Variants in WDR90 observed in about 807,000 individuals in gnomAD.
The protein encoded by WDR90 is WD repeat domain 90.
WDR90 carries 238 observed loss-of-function variants against 195.2 expected under a neutral mutation model. The ratio of observed to expected loss-of-function variants is 1.22; its 90% CI spans 1.10 to 1.36. The LOEUF (loss-of-function observed/expected upper bound fraction) is 1.36. Among genes scored for constraint, WDR90 ranks in the 40% most tolerant of loss-of-function variants. The pLI is 0.00. For missense variants in WDR90, 2,734 were observed against 2,439.5 expected (o/e 1.12, Z -2.54); for synonymous variants, 1,265 against 1,052.4 (o/e 1.20, Z -3.91).
rs199971090 is a variant in WDR90, at chr16:659,927, C to T, written c.3185-131C>T. ...CACGGTTTGCCTGCGTCTGTGGCTC[C>T]GGCCTGTGCCCCGCCGTGCAGTTCT... On this transcript the variant is annotated intron_variant, in intron 26 of 40. Transcript: ENST00000293879. The T allele has an allele frequency of 7.1e-5, 51 of 715,416 alleles. No homozygotes were observed. In the African/African-American group the frequency reaches 7.3e-4, roughly 10 times the overall value. 44.3% of individuals were successfully genotyped at this position (715,416 alleles called of 1,614,324 possible). A position where few individuals can be genotyped will look rare whatever the true frequency, so the allele number is the denominator to read the frequency against.
chr16:650,603 TCTC>T lies in WDR90; in HGVS notation c.456_458del (p.Leu153del), dbSNP rs1226746154. On this transcript the variant is annotated inframe_deletion, in exon 5 of 41. Transcript: ENST00000293879. ...GCCTGCAGCTCGATCTGCAGGACGT[TCTC>T]CTGGTCTACCTGAACCGGTGCTACG... 1 of 1,612,550 alleles carries T rather than the reference TCTC, an allele frequency of 6.2e-7. No homozygotes were observed. Among genetic ancestry groups the T allele is most frequent in the African/African-American group, 1.3e-5 (1 of 74,882 alleles).
chr16:652,616 A>C, intron 10 of WDR90, 81 bp downstream of exon 10: 1 of 1,397,030 alleles, frequency 7.2e-7, no homozygotes, highest in Non-Finnish European at 9.5e-7. Context: ...GAGAGGAGAG[A>C]CCTATGTCCT....
In WDR90 at chr16:652,502, C is replaced by T. The variant is rs143373511; in HGVS notation, c.1089C>T (p.Gly363=). Residue 363 remains glycine (G), a synonymous_variant, in exon 10 of 41, where the codon GGC becomes GGT. Coordinates refer to ENST00000293879, the MANE Select transcript of WDR90 (RefSeq NM_145294.5). ...CAGACCCAGTCCTGAGGCTCAAGGG[C>T]GTCATCGGCTTTGGGGGCCACGGCA... is the stretch of plus-strand genomic sequence containing the variant. The part of the protein sequence containing the change: ...FLPDPVLRLK[G]VIGFGGHGTR... 1,242 of 1,609,898 alleles carry T rather than the reference C, an allele frequency of 7.7e-4. 1 individual carries two copies. The highest frequency in any genetic ancestry group is 2.5e-3 in the Middle Eastern group (15 of 6,040).
chr16:657,269 G>A (rs1294973113), intron 20 of WDR90, 48 bp downstream of exon 20: 1 of 1,490,452 alleles, frequency 6.7e-7, no homozygotes, highest in South Asian at 1.3e-5. Context: ...GGCGGGGGAG[G>A]CCTGGATCTG....
chr16:652,340 ACC>A, intron 9 of WDR90, 125 bp from the exon 10 acceptor site: 1 of 1,160,396 alleles, frequency 8.6e-7, no homozygotes, highest in Non-Finnish European at 1.2e-6. Context: ...AGCAGGAGCC[ACC>A]CAGGACCAGG....
chr16:666,510 A>G lies in WDR90; in HGVS notation c.4796A>G (p.Gln1599Arg). 6.2e-7 allele frequency: 1 copy of G among 1,612,720 alleles called. No homozygotes were observed. The highest frequency in any genetic ancestry group is 2.2e-5 in the East Asian group (1 of 44,878). ...CTATGGCTGGCTGCCAGTGGGGACCAGCGGGTCAGCGTCTGGGCCTCCGAC... is the reference window on the plus strand; with the variant it reads ...CTATGGCTGGCTGCCAGTGGGGACCGGCGGGTCAGCGTCTGGGCCTCCGAC... ...TDLWLAASGDQRVSVWASDWL... is the reference protein window; with the variant it reads ...TDLWLAASGDRRVSVWASDWL... Residue 1599 changes from glutamine to arginine, a missense_variant, in exon 38 of 41, where the codon CAG becomes CGG. Gln to Arg is a conservative substitution (Grantham distance 43). Coordinates refer to ENST00000293879, the MANE Select transcript of WDR90 (RefSeq NM_145294.5).
In WDR90 at chr16:658,599, C is replaced by A. The variant is rs554240383; in HGVS notation, c.2841C>A (p.Ala947=). 1.2e-6 allele frequency: 2 copies of A among 1,612,590 alleles called. No homozygotes were observed. The highest frequency in any genetic ancestry group is 2.2e-5 in the East Asian group (1 of 44,898). ...ACGCCCGCTTCCTGCTGATTGCCGC[C>A]GGCCGGACCATCAAGGTGTGGGACT... The part of the protein sequence containing the change: ...SEDARFLLIA[A]GRTIKVWDYA... The change falls in exon 23 of 41, where the codon GCC becomes GCA. Residue 947 remains alanine, a synonymous_variant. Transcript: ENST00000293879.
intron 2 of WDR90, 41 bp from the exon 3 acceptor site, chr16:649,948 TTC>T (rs1232424082): frequency 6.2e-7 from 1 of 1,606,582 alleles, no homozygotes; most frequent in Non-Finnish European, 8.5e-7. Context: ...CCCGCTGCAC[TTC>T]TTCTGGGTGC....
intron 39 of WDR90, 26 bp downstream of exon 39, chr16:666,818 T>C (rs1022906523): frequency 1.2e-6 from 2 of 1,612,594 alleles, no homozygotes; most frequent in South Asian, 2.2e-5. Context: ...CGCGTGTCAC[T>C]GGGAGCCCCA....
Position 653,371 on chromosome 16 carries a change from G to T in WDR90, c.1153G>T (p.Val385Leu). ...GTGGACCCCAGACGGGGCGGCTGTC[G>T]TGTACCCCTGCCATGCGGTCATCGT... ...ALWTPDGAAV[V>L]YPCHAVIVVL... The change falls in exon 11 of 41, where the codon GTG becomes TTG. Residue 385 changes from valine (V) to leucine (L), a missense_variant. Transcript: ENST00000293879. 1 of 1,594,434 alleles carries T rather than the reference G, an allele frequency of 6.3e-7. No homozygotes were observed. Among genetic ancestry groups the T allele is most frequent in the East Asian group, 2.2e-5 (1 of 44,512 alleles).
rs182092572 is a variant in WDR90, at chr16:656,307, G to A, written c.1972G>A (p.Glu658Lys). The A allele has an allele frequency of 1.4e-5, 18 of 1,328,292 alleles. No individual in the cohort carries two copies. The East Asian group carries it at 1.8e-4, about 14-fold the overall frequency. 82.3% of individuals were successfully genotyped at this position (1,328,292 alleles called of 1,614,324 possible). A position where few individuals can be genotyped will look rare whatever the true frequency, so the allele number is the denominator to read the frequency against. The stretch of plus-strand genomic sequence containing the variant: ...TGACCCCACCCCACCCACAGAGCAC[G>A]AGGGCCCCGTCAGCTCAGTCTGTGT... Reference protein sequence around the residue: ...FSSVLLEAEHEGPVSSVCVSP... With the variant: ...FSSVLLEAEHKGPVSSVCVSP... Residue 658 changes from glutamate to lysine, a missense_variant, in exon 18 of 41, where the codon GAG (glutamate) becomes AAG (lysine). By Grantham distance (56) the Glu-to-Lys change is moderately conservative (BLOSUM62 1). Coordinates refer to ENST00000293879, the MANE Select transcript of WDR90 (RefSeq NM_145294.5).
At position 666,487 on chromosome 16, in the gene WDR90, A is replaced by T; in HGVS notation, c.4773A>T (p.Leu1591=). The change falls in exon 38 of 41, where the codon CTA becomes CTT. Residue 1591 remains leucine (L), a synonymous_variant. Transcript: ENST00000293879. ...CEDLGVEGTD[L]WLAASGDQRV... Reference sequence around the variant, plus strand: ...ACTTAGGGGTGGAGGGCACAGACCTATGGCTGGCTGCCAGTGGGGACCAGC... The same window carrying T: ...ACTTAGGGGTGGAGGGCACAGACCTTTGGCTGGCTGCCAGTGGGGACCAGC... 6.2e-7 allele frequency: 1 copy of T among 1,612,644 alleles called. No individual in the cohort carries two copies. Among genetic ancestry groups the T allele is most frequent in the East Asian group, 2.2e-5 (1 of 44,876 alleles).
rs980613663 is a variant in WDR90, at chr16:657,094, C to T, written c.2346C>T (p.Cys782=). The T allele has an allele frequency of 6.3e-7, 1 of 1,597,134 alleles. No individual in the cohort carries two copies. Among genetic ancestry groups the T allele is most frequent in the Middle Eastern group, 1.8e-4 (1 of 5,674 alleles). Residue 782 remains cysteine (C), a synonymous_variant, in exon 20 of 41, where the codon TGC becomes TGT. Transcript: ENST00000293879. Reference sequence around the variant, plus strand: ...GGGGTCCCTGTGTGTGCTGCAGGTGCCACCGAGGAGCTGTCACCGGCCTGA... The same window carrying T: ...GGGGTCCCTGTGTGTGCTGCAGGTGTCACCGAGGAGCTGTCACCGGCCTGA... ...EAAEVLVEHT[C]HRGAVTGLTA...
intron 22 of WDR90, 58 bp downstream of exon 22, chr16:658,402 C>T (rs2037808468): frequency 1.9e-6 from 3 of 1,588,692 alleles, no homozygotes; most frequent in Admixed American, 1.7e-5. Context: ...CCAGGCCTGG[C>T]CTCTGTGCCT....
intron 20 of WDR90, 53 bp downstream of exon 20, chr16:657,274 G>T: frequency 6.7e-7 from 1 of 1,486,544 alleles, no homozygotes; most frequent in Non-Finnish European, 9.0e-7. Context: ...GGGAGGCCTG[G>T]ATCTGGTGCA....
chr16:660,528 C>T, intron 27 of WDR90, 84 bp from the exon 28 acceptor site: 1 of 1,415,562 alleles, frequency 7.1e-7, no homozygotes, highest in African/African-American at 1.4e-5. Context: ...CTGGGTGTGC[C>T]CCAACACAGC....
At position 656,048 on chromosome 16, in the gene WDR90, T is replaced by G. The variant is rs771417387; in HGVS notation, c.1966+159T>G. 1.5e-5 allele frequency: 14 copies of G among 960,278 alleles called. No individual in the cohort carries two copies. The South Asian group carries it at 1.8e-4, about 13-fold the overall frequency. 59.5% of individuals were successfully genotyped at this position (960,278 alleles called of 1,614,324 possible). On this transcript the variant is annotated intron_variant, in intron 17 of 40. Coordinates refer to ENST00000293879, the MANE Select transcript of WDR90 (RefSeq NM_145294.5). ...GGCATATCCAGAGCCCTGGGGCGGC[T>G]GATGCCAGGGCGGCCCGCGGGGCAG...
intron 11 of WDR90, 21 bp downstream of exon 11, chr16:653,472 G>A (rs747642732): frequency 1.9e-6 from 3 of 1,612,356 alleles, no homozygotes; most frequent in Middle Eastern, 1.6e-4. Flanking sequence ...CCCGGGCCTG[G>A]GGCAGCTCAC....
Position 653,560 on chromosome 16 carries a change from A to G in WDR90, c.1269A>G (p.Leu423=), listed in dbSNP as rs899467572. The change falls in exon 12 of 41, where the codon CTA becomes CTG. Residue 423 remains leucine (L), a synonymous_variant. Transcript: ENST00000293879. ...SALALDGSSS[L]LASAQARAPS... The stretch of plus-strand genomic sequence containing the variant: ...TGGCGCTGGATGGCAGCAGCTCACT[A>G]TTGGCCTCGGCCCAGGCAAGGGCCC... 3.7e-6 allele frequency: 6 copies of G among 1,613,252 alleles called. No individual in the cohort carries two copies. The highest frequency in any genetic ancestry group is 5.1e-6 in the Non-Finnish European group (6 of 1,179,928).
Sources: allele counts gnomAD v4.1 joint callset, GRCh38; gene constraint gnomAD v4.1.1; transcripts MANE v1.5; gene names NCBI Gene and HGNC (gene_info 2026-07-23, HGNC 2026-07-21).